Variants in AK9 observed in about 807,000 individuals in gnomAD.
The protein encoded by AK9 is adenylate kinase 9.
A neutral mutation model predicts 239.6 loss-of-function variants in AK9; 191 were observed. The ratio of observed to expected loss-of-function variants is 0.80; its 90% CI spans 0.71 to 0.90. The LOEUF (loss-of-function observed/expected upper bound fraction) is 0.90, where lower values mean the gene tolerates loss of function less well. AK9 is among the 40% of genes least tolerant of loss of function. AK9 has a pLI of 0.00. For missense variants in AK9, 1,995 were observed against 2,214.7 expected (o/e 0.90, Z 1.99); for synonymous variants, 689 against 721.0 (o/e 0.96, Z 0.71).
chr6:109,602,980 T>A (rs1792256928), intron 17 of AK9, among the ~76,000 whole-genome samples: 2 of 152,184 alleles, frequency 1.3e-5, no homozygotes, highest in African/African-American at 4.8e-5. Context: ...CGTCTAATCT[T>A]TTTTCAAGGT....
At chr6:109,661,711 C>T (rs1045367532) in intron 6 of AK9, among the ~76,000 whole-genome samples, 2 of 152,194 alleles carry the variant, frequency 1.3e-5, no homozygotes, top group Admixed American at 1.3e-4. Context: ...CCTGACACTC[C>T]ACTGGGTCCC....
chr6:109,573,055 T>A (rs1352349071), intron 21 of AK9, among the ~76,000 whole-genome samples: 4 of 152,194 alleles, frequency 2.6e-5, no homozygotes, highest in East Asian at 3.8e-4. Context: ...TAATTTAAAA[T>A]TTTAATTTAA....
Position 109,564,743 on chromosome 6 carries a change from T to G in AK9, c.2434+13A>C. On this transcript the variant is annotated intron_variant, in intron 22 of 40. Transcript: ENST00000424296. ...ACTTTTATGCAAGAACTACTTTCAT[T>G]TTACAGTCTAACCTGTTTCAGATAA... The G allele has an allele frequency of 6.6e-7, 1 of 1,508,030 alleles. No homozygotes were observed. The highest frequency in any genetic ancestry group is 8.9e-7 in the Non-Finnish European group (1 of 1,123,328). 93.4% of individuals were successfully genotyped at this position (1,508,030 alleles called of 1,614,324 possible). A position where few individuals can be genotyped will look rare whatever the true frequency, so the allele number is the denominator to read the frequency against.
intron 17 of AK9, among the ~76,000 whole-genome samples, chr6:109,592,700 C>T (rs1790444145): frequency 6.6e-6 from 1 of 152,084 alleles, no homozygotes; most frequent in African/African-American, 2.4e-5. Flanking sequence ...CCCGCCTCGG[C>T]CTTCAAAAGT....
intron 17 of AK9, among the ~76,000 whole-genome samples, chr6:109,593,958 A>G (rs1315437049): frequency 6.6e-6 from 1 of 152,220 alleles, no homozygotes; most frequent in Non-Finnish European, 1.5e-5. Context: ...CCAGCACAAG[A>G]CAAGGATGCC....
chr6:109,600,706 C>T (rs1791820561), intron 17 of AK9, among the ~76,000 whole-genome samples: 2 of 152,150 alleles, frequency 1.3e-5, no homozygotes, highest in African/African-American at 4.8e-5. Flanking sequence ...TCTGTCTGGT[C>T]CTGGACTTTT....
chr6:109,684,873 C>G (rs1480373462), intron 1 of AK9, among the ~76,000 whole-genome samples: 2 of 21,854 alleles, frequency 9.2e-5, no homozygotes, highest in Non-Finnish European at 1.6e-4. Context: ...GACTCCGTCT[C>G]AAAAAAAAAA....
chr6:109,675,905 T>C (rs1771661441), intron 1 of AK9, 149 bp from the exon 2 acceptor site: 2 of 494,784 alleles, frequency 4.0e-6, no homozygotes, highest in Admixed American at 8.1e-5. Context: ...TGCAAATAAG[T>C]TTAACTCATT....
chr6:109,600,923 T>C (rs1487060416), intron 17 of AK9, among the ~76,000 whole-genome samples: 1 of 152,230 alleles, frequency 6.6e-6, no homozygotes, highest in African/African-American at 2.4e-5. Flanking sequence ...TCAGTGGTGA[T>C]ATCCCCTTTA....
intron 21 of AK9, 98 bp downstream of exon 21, chr6:109,573,344 C>T: frequency 3.9e-6 from 5 of 1,284,584 alleles, no homozygotes; most frequent in Non-Finnish European, 4.1e-6. Context: ...CATTCTCAGC[C>T]AGCTTCCATT....
chr6:109,623,800 A>C (rs1197415590), intron 12 of AK9, among the ~76,000 whole-genome samples: 1 of 151,410 alleles, frequency 6.6e-6, no homozygotes, highest in African/African-American at 2.4e-5. Flanking sequence ...CACTTTAAAT[A>C]ATCTGAAATT....
At chr6:109,690,082 T>C (rs1774108768) in intron 1 of AK9, among the ~76,000 whole-genome samples, 1 of 152,228 alleles carries the variant, frequency 6.6e-6, no homozygotes, top group African/African-American at 2.4e-5. Context: ...AATATGATCT[T>C]TGGTATTACA....
chr6:109,536,041 A>C (rs1042882190), intron 27 of AK9, among the ~76,000 whole-genome samples: 5 of 152,180 alleles, frequency 3.3e-5, no homozygotes, highest in African/African-American at 1.2e-4. Flanking sequence ...AGGTAGCGTG[A>C]TGCCTCCAGC....
intron 10 of AK9, among the ~76,000 whole-genome samples, chr6:109,636,977 A>G (rs957175337): frequency 9.9e-5 from 15 of 152,164 alleles, no homozygotes; most frequent in Non-Finnish European, 2.2e-4. Context: ...AGCAACCACC[A>G]AACTATTTTA....
At chr6:109,636,750 T>TCACACACACACACACACA (rs57475668) in intron 10 of AK9, among the ~76,000 whole-genome samples, 5,212 of 135,358 alleles carry the variant, frequency 0.039, 179 homozygotes, top group Admixed American at 0.074. Flanking sequence ...TAATATTCCA[T>TCACACACACACACACACA]CACACACACA....
At position 109,614,156 on chromosome 6, in the gene AK9, C is replaced by T. The variant is rs374034868; in HGVS notation, c.1609+27G>A. 1,376 of 1,500,886 alleles carry T rather than the reference C, an allele frequency of 9.2e-4. 25 individuals carry two copies. The South Asian group carries it at 0.016, about 17-fold the overall frequency. 93.0% of individuals were successfully genotyped at this position (1,500,886 alleles called of 1,614,324 possible). A position where few individuals can be genotyped will look rare whatever the true frequency, so the allele number is the denominator to read the frequency against. The stretch of plus-strand genomic sequence containing the variant: ...AATAAATGAAAATGAGATCCACAAA[C>T]GTGGGATTAGCAGTTCACTTTGTTA... On this transcript the variant is annotated intron_variant, in intron 15 of 40. Transcript: ENST00000424296.
intron 17 of AK9, among the ~76,000 whole-genome samples, chr6:109,601,393 G>A (rs1791938551): frequency 6.6e-6 from 1 of 152,206 alleles, no homozygotes; most frequent in Non-Finnish European, 1.5e-5. Context: ...AGTTTTGAGT[G>A]AGTTTCTTAG....
At chr6:109,669,327 T>C (rs1453554428) in intron 5 of AK9, among the ~76,000 whole-genome samples, 3 of 152,128 alleles carry the variant, frequency 2.0e-5, no homozygotes, top group Non-Finnish European at 4.4e-5. Flanking sequence ...AATCATGTCA[T>C]CTGCAAACAG....
chr6:109,573,244 A>G lies in AK9; in HGVS notation c.2344+198T>C, dbSNP rs1019098335. Among the ~76,000 whole-genome samples, 4 of 150,278 alleles carry G rather than the reference A, an allele frequency of 2.7e-5. No individual in the cohort carries two copies. In the Admixed American group the frequency reaches 2.7e-4, roughly 10 times the overall value. On this transcript the variant is annotated intron_variant, in intron 21 of 40. Coordinates refer to ENST00000424296, the MANE Select transcript of AK9 (RefSeq NM_001145128.3). ...ATAGCCAGCTGTGCTCCTGTGTGCCAGTGCTGGGGCAGAGCAGCCTCTGCT... is the reference window on the plus strand; with the variant it reads ...ATAGCCAGCTGTGCTCCTGTGTGCCGGTGCTGGGGCAGAGCAGCCTCTGCT...
Sources: gnomAD v4.1 joint callset for allele counts (sites outside exome capture counted in the v4.1 genomes callset) on GRCh38, gnomAD v4.1.1 for gene constraint, MANE v1.5 for transcripts, NCBI Gene and HGNC (gene_info 2026-07-23, HGNC 2026-07-21) for gene names.